NLGN4X: variants seen among roughly 807,000 people sequenced by gnomAD.
NLGN4X encodes the protein neuroligin 4 X-linked.
A neutral mutation model predicts 40.3 loss-of-function variants in NLGN4X; 3 were observed. The observed-to-expected ratio is 0.07, with a 90% confidence interval of 0.03 to 0.19. NLGN4X has a LOEUF of 0.19. Ranked by LOEUF, NLGN4X falls within the 10% of genes least tolerant of loss-of-function variation. The pLI, the probability that NLGN4X is intolerant of heterozygous loss-of-function variation, is 1.00. For synonymous variants in NLGN4X, 270 were observed against 306.8 expected, an observed-to-expected ratio of 0.88 and a Z score of 1.25; for missense variants, 382 against 708.3, an observed-to-expected ratio of 0.54 and a Z score of 5.23.
At chrX:6,185,736 A>C (rs1039734566) in intron 1 of NLGN4X, among the ~76,000 whole-genome samples, 4 of 112,161 alleles carry the variant, frequency 3.6e-5, no homozygotes, top group African/African-American at 1.3e-4. Context: ...GGAGTGTGAA[A>C]AAAACAGTCA....
rs759955996 is a variant in NLGN4X, at chrX:6,216,363, T to TA, written c.-306+12177dup. 3.8e-4 allele frequency among the ~76,000 whole-genome samples: 43 copies of TA among 112,060 alleles called. 1 individual carries two copies. The East Asian group carries it at 5.9e-3, about 15-fold the overall frequency. On this transcript the variant is annotated intron_variant, in intron 1 of 5. Coordinates refer to ENST00000381095, the MANE Select transcript of NLGN4X (RefSeq NM_181332.3). ...GGCTTCACTGAACATAATTTGCTAT[T>TA]AGCATCTTCAGGAACACACACTGCT...
chrX:6,198,952 A>C (rs1253989711), intron 1 of NLGN4X, among the ~76,000 whole-genome samples: 3 of 112,065 alleles, frequency 2.7e-5, no homozygotes, highest in Non-Finnish European at 5.6e-5. Flanking sequence ...AAAAAGAAGT[A>C]TCTCTAGGAT....
chrX:6,097,579 A>G (rs2147476094), intron 2 of NLGN4X, among the ~76,000 whole-genome samples: 1 of 111,872 alleles, frequency 8.9e-6, no homozygotes. Context: ...TGGTTTAGTA[A>G]GATGGAGAGT....
chrX:6,188,536 T>C (rs1195974160), intron 1 of NLGN4X, among the ~76,000 whole-genome samples: 1 of 111,075 alleles, frequency 9.0e-6, no homozygotes, highest in African/African-American at 3.3e-5. Context: ...TTTTTTTTTT[T>C]AGTCGTTGAT....
intron 2 of NLGN4X, among the ~76,000 whole-genome samples, chrX:6,131,278 TG>T (rs1459218003): frequency 8.9e-6 from 1 of 111,989 alleles, no homozygotes; most frequent in African/African-American, 3.2e-5. Context: ...CTTCTTTAAA[TG>T]TTCCATGTCT....
At chrX:6,207,672 C>A (rs919394127) in intron 1 of NLGN4X, among the ~76,000 whole-genome samples, 2 of 111,780 alleles carry the variant, frequency 1.8e-5, no homozygotes, top group African/African-American at 6.5e-5. Context: ...GTGAGTATCT[C>A]CCAGACTTTT....
intron 2 of NLGN4X, among the ~76,000 whole-genome samples, chrX:6,113,941 T>C (rs2039211913): frequency 9.0e-6 from 1 of 110,843 alleles, no homozygotes; most frequent in South Asian, 3.8e-4. Flanking sequence ...TTGCCTCAGC[T>C]TCCCAAGTAG....
rs769247069 is a variant in NLGN4X, at chrX:5,897,696, A to T, written c.1602-4030T>A. 2.7e-5 allele frequency among the ~76,000 whole-genome samples: 3 copies of T among 112,019 alleles called. No individual in the cohort carries two copies. In the South Asian group the frequency reaches 1.1e-3, roughly 42 times the overall value. On this transcript the variant is annotated intron_variant, in intron 5 of 5. Coordinates refer to ENST00000381095, the MANE Select transcript of NLGN4X (RefSeq NM_181332.3). ...TTACTTGAGGCCCTGGCATTCAATG[A>T]TTTCAACATCCTTTCTTGATCAAGG...
At chrX:6,022,044 C>T (rs1028668251) in intron 3 of NLGN4X, among the ~76,000 whole-genome samples, 3 of 112,285 alleles carry the variant, frequency 2.7e-5, no homozygotes, top group African/African-American at 6.5e-5. Context: ...GCTTCTTTTA[C>T]GTCTCTACTT....
rs1175608325 is a variant in NLGN4X at position 6,151,055 on chromosome X, A to G, written c.412T>C (p.Tyr138His). The G allele has an allele frequency of 4.1e-6, 5 of 1,211,885 alleles. No individual in the cohort carries two copies. The highest frequency in any genetic ancestry group is 4.5e-6 in the Non-Finnish European group (4 of 895,494). The change falls in exon 2 of 6, where the codon TAT becomes CAT. Residue 138 changes from tyrosine to histidine, a missense_variant. This residue lies in a region of NLGN4X where 115 missense variants were observed against 149.6 expected (regional missense o/e 0.77). Transcript: ENST00000381095. ...FTANLDTLMT[Y>H]VQDQNEDCLY... ...CAGTCTTCATTTTGATCTTGAACAT[A>G]GGTCATCAAAGTATCCAAATTGGCG...
chrX:5,924,530 G>A (rs1283037684), intron 3 of NLGN4X, among the ~76,000 whole-genome samples: 1 of 111,570 alleles, frequency 9.0e-6, no homozygotes, highest in Non-Finnish European at 1.9e-5. Context: ...AATTTTTCTA[G>A]TGTTCTGGCT....
chrX:6,077,397 C>A (rs1261341700), intron 2 of NLGN4X, among the ~76,000 whole-genome samples: 2 of 108,626 alleles, frequency 1.8e-5, no homozygotes, highest in Non-Finnish European at 3.8e-5. Context: ...AAGCAATTCT[C>A]CTTGCCTCAG....
At chrX:6,066,950 A>C (rs1226291738) in intron 2 of NLGN4X, among the ~76,000 whole-genome samples, 1 of 110,936 alleles carries the variant, frequency 9.0e-6, no homozygotes, top group Non-Finnish European at 1.9e-5. Context: ...TCTACAAAAA[A>C]ATAACAAAAT....
intron 1 of NLGN4X, among the ~76,000 whole-genome samples, chrX:6,164,984 T>C (rs1450074322): frequency 9.0e-6 from 1 of 111,400 alleles, no homozygotes; most frequent in African/African-American, 3.3e-5. Context: ...ACACAGTTTA[T>C]TTCCTGAGTA....
At chrX:6,168,667 GTC>G (rs781344942) in intron 1 of NLGN4X, among the ~76,000 whole-genome samples, 1 of 111,281 alleles carries the variant, frequency 9.0e-6, no homozygotes, top group African/African-American at 3.3e-5. Context: ...GAAGAGATGG[GTC>G]TCTCTATGTT....
chrX:5,973,547 T>A (rs2035086719), intron 3 of NLGN4X, among the ~76,000 whole-genome samples: 1 of 112,109 alleles, frequency 8.9e-6, no homozygotes, highest in African/African-American at 3.2e-5. Flanking sequence ...CTCAAAGGTG[T>A]GTGAAGGGCT....
At chrX:6,005,792 G>A (rs1478416816) in intron 3 of NLGN4X, among the ~76,000 whole-genome samples, 2 of 110,924 alleles carry the variant, frequency 1.8e-5, no homozygotes, top group African/African-American at 6.6e-5. Flanking sequence ...AACACACCTG[G>A]ACAGACTTTT....
At chrX:5,933,894 T>C (rs1207092824) in intron 3 of NLGN4X, among the ~76,000 whole-genome samples, 8 of 111,363 alleles carry the variant, frequency 7.2e-5, no homozygotes, top group Admixed American at 5.8e-4. Flanking sequence ...CCAAAAGATA[T>C]AGAAAGACTA....
intron 3 of NLGN4X, among the ~76,000 whole-genome samples, chrX:5,947,684 A>T (rs774735176): frequency 7.9e-4 from 89 of 112,219 alleles, no homozygotes; most frequent in African/African-American, 2.8e-3. Flanking sequence ...ATACAAGGAA[A>T]TAAGATATAT....
Sources: gnomAD v4.1 joint callset for allele counts (sites outside exome capture counted in the v4.1 genomes callset) on GRCh38, gnomAD v4.1.1 for gene constraint, gnomAD v4.1.1 regional missense constraint, MANE v1.5 for transcripts, NCBI Gene and HGNC (gene_info 2026-07-23, HGNC 2026-07-21) for gene names.